The following NFASC variants were observed in gnomAD, a reference collection of about 807,000 sequenced individuals.
NFASC encodes neurofascin.
In NFASC, 43 loss-of-function variants were observed where a neutral mutation model predicts 147.5. That is an observed-to-expected ratio of 0.29 (90% CI 0.23 to 0.38). The LOEUF (loss-of-function observed/expected upper bound fraction) is 0.38. NFASC is among the 10% of genes least tolerant of loss of function. NFASC has a pLI of 1.00. For synonymous variants in NFASC, 622 were observed against 665.5 expected, an observed-to-expected ratio of 0.93 and a Z score of 1.01; for missense variants, 1,320 against 1,689.0, an observed-to-expected ratio of 0.78 and a Z score of 3.83.
chr1:204,917,028 C>A (rs188655301), intron 1 of NFASC, among the ~76,000 whole-genome samples: 154 of 152,268 alleles, frequency 1.0e-3, no homozygotes, highest in African/African-American at 3.6e-3. Context: ...CCAACCTGGG[C>A]AACATAGTGA....
intron 25 of NFASC, chr1:205,000,785 C>A (rs534721455): frequency 2.4e-5 from 6 of 253,528 alleles, no homozygotes; most frequent in African/African-American, 9.3e-5. Context: ...CGAGATCGCA[C>A]CACTGTACTC....
chr1:204,842,028 C>G (rs1196641713), intron 1 of NFASC, among the ~76,000 whole-genome samples: 1 of 152,210 alleles, frequency 6.6e-6, no homozygotes, highest in Non-Finnish European at 1.5e-5. Context: ...GCTTATACAT[C>G]TATACCTGGA....
intron 3 of NFASC, chr1:204,946,348 G>C (rs775075426): frequency 2.0e-6 from 1 of 511,972 alleles, no homozygotes; most frequent in Non-Finnish European, 3.9e-6. Flanking sequence ...TAGCCTGCGG[G>C]TTAGAGACAA....
chr1:204,987,217 C>G lies in NFASC; in HGVS notation c.2471-201C>G. ...GCAGAGTCTGAGCTATGTTTGTCCT[C>G]AGACCTGAAGGAAATAGCATCCTGG... On this transcript the variant is annotated intron_variant, in intron 21 of 29. Coordinates refer to ENST00000339876, the MANE Select transcript of NFASC (RefSeq NM_001005388.3). The surrounding 1 kb of genome is among the most constrained non-coding windows in gnomAD (Gnocchi z 4.4). 1 of 588,128 alleles carries G rather than the reference C, an allele frequency of 1.7e-6. No homozygotes were observed. Among genetic ancestry groups the G allele is most frequent in the Non-Finnish European group, 3.0e-6 (1 of 331,256 alleles). 36.4% of individuals were successfully genotyped at this position (588,128 alleles called of 1,614,324 possible).
chr1:204,921,105 C>G (rs1427640514), intron 2 of NFASC, among the ~76,000 whole-genome samples: 1 of 152,194 alleles, frequency 6.6e-6, no homozygotes, highest in Non-Finnish European at 1.5e-5. Context: ...TCCTGAGTGA[C>G]AGCCCTGGCA....
chr1:204,979,416 A>C lies in NFASC; in HGVS notation c.2033A>C (p.His678Pro). The C allele has an allele frequency of 6.2e-7, 1 of 1,614,134 alleles. No homozygotes were observed. Among genetic ancestry groups the C allele is most frequent in the Non-Finnish European group, 8.5e-7 (1 of 1,180,030 alleles). Residue 678 changes from histidine (H) to proline (P), a missense_variant, in exon 19 of 30, where the codon CAT becomes CCT. Coordinates refer to ENST00000339876, the MANE Select transcript of NFASC (RefSeq NM_001005388.3). This position sits in a 1 kb window ranked among gnomAD's most constrained non-coding sequence, Gnocchi z 6.0. Reference sequence around the variant, plus strand: ...TTCCAACCTGGGGTCTGGCATGACCATTCCAAGTACCCCGGCAGCGTTAAC... The same window carrying C: ...TTCCAACCTGGGGTCTGGCATGACCCTTCCAAGTACCCCGGCAGCGTTAAC... ...DQFQPGVWHDHSKYPGSVNSA... is the reference protein window; with the variant it reads ...DQFQPGVWHDPSKYPGSVNSA...
chr1:205,011,985 A>G (rs2096262634), intron 28 of NFASC, among the ~76,000 whole-genome samples: 1 of 152,216 alleles, frequency 6.6e-6, no homozygotes, highest in African/African-American at 2.4e-5. Flanking sequence ...AGGCTGGGGC[A>G]TGAGAATCGC....
intron 1 of NFASC, among the ~76,000 whole-genome samples, chr1:204,865,534 T>C (rs2077038165): frequency 1.3e-5 from 2 of 152,226 alleles, no homozygotes; most frequent in South Asian, 2.1e-4. Flanking sequence ...GAAGAAACTG[T>C]TCTTTCCCCA....
Position 204,987,167 on chromosome 1 carries a change from G to A in NFASC, c.2471-251G>A. 1 of 537,836 alleles carries A rather than the reference G, an allele frequency of 1.9e-6. No individual in the cohort carries two copies. The highest frequency in any genetic ancestry group is 3.3e-6 in the Non-Finnish European group (1 of 302,258). 33.3% of individuals were successfully genotyped at this position (537,836 alleles called of 1,614,324 possible). Reference sequence around the variant, plus strand: ...CAGAGTAGTTGCTAGAAGAAAACCTGATTTACTTCTTCCTCTCTTAAATAG... The same window carrying A: ...CAGAGTAGTTGCTAGAAGAAAACCTAATTTACTTCTTCCTCTCTTAAATAG... On this transcript the variant is annotated intron_variant, in intron 21 of 29. Coordinates refer to ENST00000339876, the MANE Select transcript of NFASC (RefSeq NM_001005388.3). The surrounding 1 kb of genome is among the most constrained non-coding windows in gnomAD (Gnocchi z 4.4).
Position 204,975,491 on chromosome 1 carries a change from C to A in NFASC, c.1706+73C>A. 2 of 1,541,856 alleles carry A rather than the reference C, an allele frequency of 1.3e-6. No homozygotes were observed. Among genetic ancestry groups the A allele is most frequent in the Non-Finnish European group, 1.8e-6 (2 of 1,130,008 alleles). On this transcript the variant is annotated intron_variant, in intron 15 of 29. Transcript: ENST00000339876. The surrounding 1 kb of genome is among the most constrained non-coding windows in gnomAD (Gnocchi z 4.0). The stretch of plus-strand genomic sequence containing the variant: ...TTCTTTTCCCTTGCTGTTGGTGACA[C>A]ATGGAAGAACACAGGGACAGGGAAC...
At chr1:204,873,365 A>G (rs1347553993) in intron 1 of NFASC, among the ~76,000 whole-genome samples, 1 of 152,098 alleles carries the variant, frequency 6.6e-6, no homozygotes, top group African/African-American at 2.4e-5. Flanking sequence ...CTCTGGGTAC[A>G]CCAAGTACCT....
rs144727989 is a variant in NFASC at position 205,008,025 on chromosome 1, C to T, written c.3290-1532C>T. Among the ~76,000 whole-genome samples the T allele has an allele frequency of 2.0e-3, 299 of 152,262 alleles. 4 individuals carry two copies. The highest frequency in any genetic ancestry group is 6.7e-3 in the African/African-American group (280 of 41,528). Reference sequence around the variant, plus strand: ...TCATGGTACTCACAAGCCTTGTTCTCGCAGGCCTCACCTGCTTTTCAGCCC... The same window carrying T: ...TCATGGTACTCACAAGCCTTGTTCTTGCAGGCCTCACCTGCTTTTCAGCCC... On this transcript the variant is annotated intron_variant, in intron 27 of 29. Coordinates refer to ENST00000339876, the MANE Select transcript of NFASC (RefSeq NM_001005388.3).
intron 1 of NFASC, chr1:204,870,740 C>G: frequency 8.7e-7 from 1 of 1,150,016 alleles, no homozygotes; most frequent in East Asian, 6.4e-5. Flanking sequence ...GTGTGGCGTT[C>G]CATTCACGGC....
At chr1:204,989,741 G>T (rs962092624) in intron 23 of NFASC, 1 of 152,266 alleles carries the variant, frequency 6.6e-6, no homozygotes, top group Non-Finnish European at 1.5e-5. Flanking sequence ...CCATCTAGAG[G>T]GGGAGTCATC....
chr1:204,978,963 AC>A lies in NFASC; in HGVS notation c.1877-3del, dbSNP rs749336400. 8 of 1,550,818 alleles carry A rather than the reference AC, an allele frequency of 5.2e-6. No homozygotes were observed. Among genetic ancestry groups the A allele is most frequent in the Non-Finnish European group, 7.0e-6 (8 of 1,146,656 alleles). ...GGAGGCCTGCGTGGTGTCTTCTGCC[AC>A]CAGGACGGCCAGACCGGCCCCGGGA... On this transcript the variant is annotated splice_polypyrimidine_tract_variant and splice_region_variant and intron_variant, in intron 17 of 29. Coordinates refer to ENST00000339876, the MANE Select transcript of NFASC (RefSeq NM_001005388.3).
intron 2 of NFASC, among the ~76,000 whole-genome samples, chr1:204,921,056 C>G (rs539364141): frequency 6.6e-6 from 1 of 152,256 alleles, no homozygotes; most frequent in Non-Finnish European, 1.5e-5. Context: ...ACTTTGTGAC[C>G]CACACCCTAC....
At position 205,002,965 on chromosome 1, in the gene NFASC, A is replaced by G. The variant is rs370021383; in HGVS notation, c.3289+217A>G. ...CATGCGTAGTGGAGAGGAAACAGTG[A>G]TTGTGGCCCCGTGCGGGTCAGAAGG... is the stretch of plus-strand genomic sequence containing the variant. On this transcript the variant is annotated intron_variant, in intron 27 of 29. Coordinates refer to ENST00000339876, the MANE Select transcript of NFASC (RefSeq NM_001005388.3). Among the ~76,000 whole-genome samples, 12 of 152,302 alleles carry G rather than the reference A, an allele frequency of 7.9e-5. No individual in the cohort carries two copies. In the East Asian group the frequency reaches 2.1e-3, roughly 27 times the overall value.
At chr1:204,842,567 C>T (rs533488732) in intron 1 of NFASC, among the ~76,000 whole-genome samples, 1 of 152,288 alleles carries the variant, frequency 6.6e-6, no homozygotes, top group Admixed American at 6.5e-5. Context: ...GGCCTGGGCC[C>T]AAAACAAATC....
intron 17 of NFASC, 75 bp from the exon 18 acceptor site, chr1:204,978,893 T>A: frequency 8.7e-7 from 1 of 1,154,222 alleles, no homozygotes; most frequent in Non-Finnish European, 1.2e-6. Context: ...GTCAGGGAGC[T>A]GTCCAGGGCT....
Sources: allele counts gnomAD v4.1 joint callset (sites outside exome capture counted in the v4.1 genomes callset), GRCh38; gene constraint gnomAD v4.1.1; non-coding constraint Gnocchi (gnomAD v3.1); transcripts MANE v1.5; gene names NCBI Gene and HGNC (gene_info 2026-07-23, HGNC 2026-07-21).